The following PNPLA8 variants were observed in gnomAD, a reference collection of about 807,000 sequenced individuals.
PNPLA8 encodes the protein patatin like domain 8, phospholipase A2.
Under a neutral mutation model 76.9 loss-of-function variants are expected in PNPLA8, and 39 were observed. That is an observed-to-expected ratio of 0.51 (90% CI 0.39 to 0.66). The LOEUF is 0.66. Ranked by LOEUF, PNPLA8 falls within the 30% of genes least tolerant of loss-of-function variation. PNPLA8 has a pLI of 0.00. For missense variants in PNPLA8, 887 were observed against 918.0 expected (o/e 0.97, Z 0.44); for synonymous variants, 301 against 307.9 (o/e 0.98, Z 0.24).
intron 4 of PNPLA8, among the ~76,000 whole-genome samples, chr7:108,509,610 T>C (rs1447581771): frequency 6.7e-6 from 1 of 148,820 alleles, no homozygotes; most frequent in Non-Finnish European, 1.5e-5. Context: ...ATTGTGGAAG[T>C]CAGTGTGGCG....
intron 1 of PNPLA8, among the ~76,000 whole-genome samples, chr7:108,525,386 C>T (rs1334086921): frequency 6.6e-6 from 1 of 152,206 alleles, no homozygotes; most frequent in Non-Finnish European, 1.5e-5. Context: ...TATGTCACAA[C>T]TCTCCTGAGT....
chr7:108,525,923 A>C, intron 1 of PNPLA8, 106 bp downstream of exon 1: 1 of 377,150 alleles, frequency 2.7e-6, no homozygotes, highest in Non-Finnish European at 3.7e-6. Flanking sequence ...CTCGCTCGGG[A>C]AGTGCCCTCC....
chr7:108,486,481 G>A (rs1230543134), intron 9 of PNPLA8, among the ~76,000 whole-genome samples: 1 of 152,032 alleles, frequency 6.6e-6, no homozygotes, highest in Non-Finnish European at 1.5e-5. Context: ...CAGAGTGGGT[G>A]GAAGAAAGAG....
intron 7 of PNPLA8, among the ~76,000 whole-genome samples, chr7:108,494,340 C>T (rs527909491): frequency 1.3e-5 from 2 of 152,244 alleles, no homozygotes; most frequent in East Asian, 1.9e-4. Context: ...ACCCAACAAG[C>T]GGCTCCTCAG....
At position 108,491,180 on chromosome 7, in the gene PNPLA8, G is replaced by T. The variant is rs1238965996; in HGVS notation, c.1683+230C>A. Among the ~76,000 whole-genome samples the T allele has an allele frequency of 1.1e-4, 16 of 152,272 alleles. No individual in the cohort carries two copies. The East Asian group carries it at 3.1e-3, about 29-fold the overall frequency. ...AAATTAGCCAGGCGTGGTGGTGCATGCCTGTAATCCCAGCTACTTGGGAGG... is the reference window on the plus strand; with the variant it reads ...AAATTAGCCAGGCGTGGTGGTGCATTCCTGTAATCCCAGCTACTTGGGAGG... On this transcript the variant is annotated intron_variant, in intron 8 of 10. Transcript: ENST00000257694.
intron 9 of PNPLA8, among the ~76,000 whole-genome samples, chr7:108,483,777 G>A (rs1860561002): frequency 6.6e-6 from 1 of 152,072 alleles, no homozygotes; most frequent in Non-Finnish European, 1.5e-5. Context: ...CAATGCAGGT[G>A]GTAATAATTA....
chr7:108,491,720 T>G (rs1391452832), intron 7 of PNPLA8, among the ~76,000 whole-genome samples: 1 of 152,184 alleles, frequency 6.6e-6, no homozygotes, highest in Non-Finnish European at 1.5e-5. Context: ...AGAGGGGCAG[T>G]AACTGGAAAA....
intron 9 of PNPLA8, among the ~76,000 whole-genome samples, chr7:108,486,652 C>T (rs1860756891): frequency 2.0e-5 from 3 of 151,998 alleles, no homozygotes; most frequent in African/African-American, 7.2e-5. Context: ...ATAGGAATAG[C>T]TGGCCATAAC....
At chr7:108,502,676 G>T (rs937944613) in intron 4 of PNPLA8, 34 bp from the exon 5 acceptor site, 4 of 1,519,676 alleles carry the variant, frequency 2.6e-6, no homozygotes, top group African/African-American at 2.8e-5. Flanking sequence ...TGTTGCTTTT[G>T]TCAAATCAAG....
chr7:108,526,223 G>T (rs1026160360), upstream of PNPLA8: 2 of 374,684 alleles, frequency 5.3e-6, no homozygotes, highest in Non-Finnish European at 7.4e-6. Flanking sequence ...GTCTACCCGC[G>T]GGCCGGGGTG....
intron 10 of PNPLA8, among the ~76,000 whole-genome samples, chr7:108,474,879 T>G (rs1330658656): frequency 6.6e-6 from 1 of 152,260 alleles, no homozygotes; most frequent in Non-Finnish European, 1.5e-5. Context: ...AACTTTTTTT[T>G]CTTTTTCAAA....
In PNPLA8 at chr7:108,515,373, C is replaced by A. The variant is rs766864362; in HGVS notation, c.119G>T (p.Arg40Met). 6.2e-7 allele frequency: 1 copy of A among 1,613,506 alleles called. No homozygotes were observed. Among genetic ancestry groups the A allele is most frequent in the South Asian group, 1.1e-5 (1 of 91,038 alleles). ...TCTTTGTAGACTGATGTGGCTTATC[C>A]TCCAGTAATGCTTAGGTGAGAACAA... is the stretch of plus-strand genomic sequence containing the variant. ...YFLFSPKHYWRISHISLQRGF... is the reference protein window; with the variant it reads ...YFLFSPKHYWMISHISLQRGF... Residue 40 changes from arginine to methionine, a missense_variant, in exon 3 of 11, where the codon AGG becomes ATG. Transcript: ENST00000257694.
At position 108,496,693 on chromosome 7, in the gene PNPLA8, A is replaced by T; in HGVS notation, c.1516T>A (p.Tyr506Asn). 6.2e-7 allele frequency: 1 copy of T among 1,611,930 alleles called. No homozygotes were observed. The highest frequency in any genetic ancestry group is 8.5e-7 in the Non-Finnish European group (1 of 1,178,892). ...AATACATCTGATCCTAATTTTCGATAAAGTTCCTCACATTCATCCAAGGGC... is the reference window on the plus strand; with the variant it reads ...AATACATCTGATCCTAATTTTCGATTAAGTTCCTCACATTCATCCAAGGGC... Reference protein sequence around the residue: ...HMPLDECEELYRKLGSDVFSQ... With the variant: ...HMPLDECEELNRKLGSDVFSQ... The change falls in exon 7 of 11, where the codon TAT (tyrosine) becomes AAT (asparagine). Residue 506 changes from tyrosine to asparagine, a missense_variant. Tyr to Asn is a moderately radical substitution (Grantham distance 143, BLOSUM62 -2). Coordinates refer to ENST00000257694, the MANE Select transcript of PNPLA8 (RefSeq NM_001256007.3).
intron 1 of PNPLA8, among the ~76,000 whole-genome samples, chr7:108,523,526 C>T (rs180683694): frequency 1.3e-5 from 2 of 151,688 alleles, no homozygotes; most frequent in Admixed American, 1.3e-4. Flanking sequence ...GATATCAAAG[C>T]ACCAAAATGT....
chr7:108,492,638 G>C (rs920271040), intron 7 of PNPLA8, among the ~76,000 whole-genome samples: 1 of 151,854 alleles, frequency 6.6e-6, no homozygotes, highest in Admixed American at 6.6e-5. Flanking sequence ...AACATGCCTA[G>C]ATTCTACTGA....
chr7:108,471,636 T>C lies in PNPLA8; in HGVS notation c.*765A>G, dbSNP rs1859636830. 2 of 152,206 alleles carry C rather than the reference T, an allele frequency of 1.3e-5. No homozygotes were observed. Among genetic ancestry groups the C allele is most frequent in the Non-Finnish European group, 1.5e-5 (1 of 68,026 alleles). 9.4% of individuals were successfully genotyped at this position (152,206 alleles called of 1,614,324 possible). On this transcript the variant is annotated 3_prime_UTR_variant, in exon 11 of 11. Transcript: ENST00000257694. ...GCCTTTTAACAACAGATTATTTAAA[T>C]AGTTTATTTTTGTTAATGATAGGAA... is the stretch of plus-strand genomic sequence containing the variant.
In PNPLA8 at chr7:108,503,709, G is replaced by T. The variant is rs895109397; in HGVS notation, c.1207-1067C>A. On this transcript the variant is annotated intron_variant, in intron 4 of 10. Coordinates refer to ENST00000257694, the MANE Select transcript of PNPLA8 (RefSeq NM_001256007.3). Reference sequence around the variant, plus strand: ...CTGGAGAAGGAGTAATTGCTAGGAAGTGAGCTGGTAAACTATAGCTTTTCT... The same window carrying T: ...CTGGAGAAGGAGTAATTGCTAGGAATTGAGCTGGTAAACTATAGCTTTTCT... 1.3e-4 allele frequency among the ~76,000 whole-genome samples: 20 copies of T among 152,204 alleles called. 1 individual carries two copies. Among genetic ancestry groups the T allele is most frequent in the Admixed American group, 3.9e-4 (6 of 15,280 alleles).
At position 108,471,898 on chromosome 7, in the gene PNPLA8, T is replaced by A. The variant is rs371677720; in HGVS notation, c.*503A>T. 2.0e-5 allele frequency: 3 copies of A among 152,210 alleles called. No individual in the cohort carries two copies. Among genetic ancestry groups the A allele is most frequent in the East Asian group, 3.8e-4 (2 of 5,198 alleles). The allele number at this position is 152,210 out of a possible 1,614,324, so 9.4% of individuals were successfully genotyped here. A position where few individuals can be genotyped will look rare whatever the true frequency, so the allele number is the denominator to read the frequency against. On this transcript the variant is annotated 3_prime_UTR_variant, in exon 11 of 11. Coordinates refer to ENST00000257694, the MANE Select transcript of PNPLA8 (RefSeq NM_001256007.3). ...ATAGAGAAAATTCCATTTTTCTGCATCTATTTAGATGATATTACAATAAAA... is the reference window on the plus strand; with the variant it reads ...ATAGAGAAAATTCCATTTTTCTGCAACTATTTAGATGATATTACAATAAAA...
Position 108,479,194 on chromosome 7 carries a change from T to C in PNPLA8, c.2064A>G (p.Thr688=). The C allele has an allele frequency of 6.2e-7, 1 of 1,608,616 alleles. No homozygotes were observed. The highest frequency in any genetic ancestry group is 8.5e-7 in the Non-Finnish European group (1 of 1,175,162). The part of the protein sequence containing the change: ...TKLSNVINSA[T]DTEEVHIMLD... Reference sequence around the variant, plus strand: ...GCAAACAAGACTAACCTTCTGTATCTGTAGCACTGTTGATAACATTAGAAA... The same window carrying C: ...GCAAACAAGACTAACCTTCTGTATCCGTAGCACTGTTGATAACATTAGAAA... The change falls in exon 10 of 11, where the codon ACA becomes ACG. Residue 688 remains threonine (T), a synonymous_variant. Transcript: ENST00000257694.
Sources: gnomAD v4.1 joint callset for allele counts (sites outside exome capture counted in the v4.1 genomes callset) on GRCh38, gnomAD v4.1.1 for gene constraint, MANE v1.5 for transcripts, NCBI Gene and HGNC (gene_info 2026-07-23, HGNC 2026-07-21) for gene names.